ARHGAP8: variants seen among roughly 807,000 people sequenced by gnomAD.
ARHGAP8 encodes rho GTPase-activating protein 8.
In ARHGAP8, 62 loss-of-function variants were observed where a neutral mutation model predicts 46.1. The ratio of observed to expected loss-of-function variants is 1.34; its 90% CI spans 1.10 to 1.66. The LOEUF (loss-of-function observed/expected upper bound fraction) is 1.66, where lower values mean the gene tolerates loss of function less well. Among genes scored for constraint, ARHGAP8 ranks in the 40% most tolerant of loss-of-function variants. The probability of loss-of-function intolerance (pLI) is 0.00; values close to 1 mark genes in which losing one functional copy is unlikely to be tolerated. For missense variants in ARHGAP8, 923 were observed against 568.4 expected (o/e 1.62, Z -6.34); for synonymous variants, 375 against 243.1 (o/e 1.54, Z -5.05).
In ARHGAP8 at chr22:44,822,394, T is replaced by C; in HGVS notation, c.410T>C (p.Ile137Thr). 6.3e-7 allele frequency: 1 copy of C among 1,584,112 alleles called. No homozygotes were observed. Among genetic ancestry groups the C allele is most frequent in the Non-Finnish European group, 8.5e-7 (1 of 1,170,204 alleles). Residue 137 changes from isoleucine (I) to threonine (T), a missense_variant, in exon 6 of 12, where the codon ATC (isoleucine) becomes ACC (threonine). Physicochemically the swap from Ile to Thr is moderately conservative, Grantham distance 89. Coordinates refer to ENST00000356099, the MANE Select transcript of ARHGAP8 (RefSeq NM_181335.3). ...AGTCACAAGTTTGGGAAGAAAGTCA[T>C]CTATTTCAACTACCTGAGTGAGCTC... ...LISHKFGKKV[I>T]YFNYLSELHE...
intron 1 of ARHGAP8, among the ~76,000 whole-genome samples, chr22:44,758,197 T>TC (rs1185577360): frequency 6.6e-6 from 1 of 152,132 alleles, no homozygotes; most frequent in African/African-American, 2.4e-5. Flanking sequence ...ACACCTGTGA[T>TC]CCCAACACTT....
intron 5 of ARHGAP8, among the ~76,000 whole-genome samples, chr22:44,814,999 C>G (rs531602220): frequency 6.6e-6 from 1 of 152,132 alleles, no homozygotes; most frequent in African/African-American, 2.4e-5. Context: ...TAAAAGCCCC[C>G]CTTTGCCTGA....
At chr22:44,823,388 G>A (rs1018860910) in intron 6 of ARHGAP8, among the ~76,000 whole-genome samples, 1 of 152,112 alleles carries the variant, frequency 6.6e-6, no homozygotes, top group Non-Finnish European at 1.5e-5. Flanking sequence ...AAGAGGCCAG[G>A]GAAGCACATT....
intron 4 of ARHGAP8, among the ~76,000 whole-genome samples, chr22:44,813,774 T>C (rs1929536686): frequency 7.5e-6 from 1 of 132,644 alleles, no homozygotes; most frequent in African/African-American, 2.7e-5. Context: ...CACTTACACC[T>C]ACATACACCT....
At chr22:44,777,410 C>A (rs1230424649) in intron 1 of ARHGAP8, among the ~76,000 whole-genome samples, 3 of 152,038 alleles carry the variant, frequency 2.0e-5, no homozygotes, top group Admixed American at 6.6e-5. Context: ...AATAAAATCT[C>A]ATGATCAGAA....
chr22:44,811,311 G>A (rs1384118204), intron 4 of ARHGAP8, among the ~76,000 whole-genome samples: 6 of 152,264 alleles, frequency 3.9e-5, no homozygotes. Context: ...AAAGGTAACG[G>A]CACCAGCCCG....
intron 11 of ARHGAP8, among the ~76,000 whole-genome samples, chr22:44,861,096 C>T (rs540240533): frequency 6.6e-6 from 1 of 152,168 alleles, no homozygotes; most frequent in African/African-American, 2.4e-5. Context: ...CCCAGCCTCC[C>T]ACGTAGCTGG....
intron 11 of ARHGAP8, among the ~76,000 whole-genome samples, 158 bp downstream of exon 11, chr22:44,859,992 C>T (rs923731343): frequency 1.4e-4 from 20 of 147,614 alleles, no homozygotes; most frequent in Non-Finnish European, 2.4e-4. Flanking sequence ...TCATCCAAGG[C>T]CTGGTCAGGC....
chr22:44,833,999 C>G (rs576813756), intron 7 of ARHGAP8, among the ~76,000 whole-genome samples: 2 of 152,068 alleles, frequency 1.3e-5, no homozygotes, highest in South Asian at 4.1e-4. Flanking sequence ...GTAATGTTTC[C>G]TCTTCCATTC....
chr22:44,777,953 C>G (rs928055648), intron 1 of ARHGAP8, among the ~76,000 whole-genome samples: 2 of 152,126 alleles, frequency 1.3e-5, no homozygotes, highest in African/African-American at 2.4e-5. Context: ...GCCTCAGCCT[C>G]CCAAAGTGCT....
intron 2 of ARHGAP8, among the ~76,000 whole-genome samples, chr22:44,793,380 T>C (rs1000418398): frequency 6.6e-5 from 10 of 152,118 alleles, no homozygotes; most frequent in African/African-American, 2.4e-4. Flanking sequence ...ACGCCGGACC[T>C]GGCCCTGCAG....
intron 10 of ARHGAP8, among the ~76,000 whole-genome samples, chr22:44,859,128 G>C (rs564717880): frequency 6.6e-6 from 1 of 152,176 alleles, no homozygotes; most frequent in Non-Finnish European, 1.5e-5. Flanking sequence ...CAGCTTCCTG[G>C]AAGGTGGTGC....
At chr22:44,845,234 G>A in intron 7 of ARHGAP8, 35 bp from the exon 8 acceptor site, 1 of 1,613,504 alleles carries the variant, frequency 6.2e-7, no homozygotes, top group Non-Finnish European at 8.5e-7. Context: ...ATCAAGCTCA[G>A]GTAAAAACTG....
chr22:44,852,104 C>G (rs1348700027), intron 10 of ARHGAP8, among the ~76,000 whole-genome samples: 3 of 140,732 alleles, frequency 2.1e-5, no homozygotes, highest in African/African-American at 5.3e-5. Flanking sequence ...GGCACGAGAA[C>G]TGCTTTGAAC....
chr22:44,845,750 C>T lies in ARHGAP8; in HGVS notation c.670+408C>T, dbSNP rs184349643. Among the ~76,000 whole-genome samples, 7 of 152,264 alleles carry T rather than the reference C, an allele frequency of 4.6e-5. No homozygotes were observed. In the East Asian group the frequency reaches 1.2e-3, roughly 25 times the overall value. On this transcript the variant is annotated intron_variant, in intron 8 of 11. Coordinates refer to ENST00000356099, the MANE Select transcript of ARHGAP8 (RefSeq NM_181335.3). ...CAACTTTGATTTGCAGATACCATTGCCAGTAGGGTGGGTGCAGTCAAGAAC... is the reference window on the plus strand; with the variant it reads ...CAACTTTGATTTGCAGATACCATTGTCAGTAGGGTGGGTGCAGTCAAGAAC...
intron 1 of ARHGAP8, among the ~76,000 whole-genome samples, chr22:44,764,426 C>T (rs907509285): frequency 2.0e-5 from 3 of 152,082 alleles, no homozygotes; most frequent in Admixed American, 6.5e-5. Flanking sequence ...AGCAGCCCCT[C>T]GAAAGGCAGG....
rs146164970 is a variant in ARHGAP8, at chr22:44,862,582, G to C, written c.1289G>C (p.Arg430Thr). ...CCTCCGAGTCCCCTGATGGCAGCCA[G>C]AAGACGTCTCTAGTGTTGCGAACAC... is the stretch of plus-strand genomic sequence containing the variant. ...TLPPSPLMAA[R>T]RRL is the part of the protein sequence containing the mutation. Residue 430 changes from arginine to threonine, a missense_variant, in exon 12 of 12, where the codon AGA becomes ACA. Arg to Thr is a moderately conservative substitution (Grantham distance 71). Coordinates refer to ENST00000356099, the MANE Select transcript of ARHGAP8 (RefSeq NM_181335.3). 76 of 1,584,946 alleles carry C rather than the reference G, an allele frequency of 4.8e-5. No individual in the cohort carries two copies. Among genetic ancestry groups the C allele is most frequent in the Non-Finnish European group, 6.1e-5 (71 of 1,160,270 alleles).
At chr22:44,758,265 A>G (rs1277740581) in intron 1 of ARHGAP8, among the ~76,000 whole-genome samples, 1 of 152,120 alleles carries the variant, frequency 6.6e-6, no homozygotes, top group African/African-American at 2.4e-5. Flanking sequence ...CCTGGCCAAC[A>G]TGGTGAATTA....
chr22:44,759,582 G>A (rs1020123622), intron 1 of ARHGAP8, among the ~76,000 whole-genome samples: 13 of 152,104 alleles, frequency 8.5e-5, no homozygotes, highest in African/African-American at 3.1e-4. Flanking sequence ...GCAGAGGGGC[G>A]GCAAGTTGGC....
Sources: allele counts gnomAD v4.1 joint callset (sites outside exome capture counted in the v4.1 genomes callset), GRCh38; gene constraint gnomAD v4.1.1; transcripts MANE v1.5; gene names NCBI Gene and HGNC (gene_info 2026-07-23, HGNC 2026-07-21).